The following FOXP2 variants were observed in gnomAD, a reference collection of about 807,000 sequenced individuals.
FOXP2 encodes forkhead box protein P2.
FOXP2 carries 12 observed loss-of-function variants against 115.8 expected under a neutral mutation model. That is an observed-to-expected ratio of 0.10 (90% CI 0.07 to 0.17). The LOEUF (loss-of-function observed/expected upper bound fraction) is 0.17. Among genes scored for constraint, FOXP2 ranks in the 10% least tolerant of loss-of-function variants. The pLI, the probability that FOXP2 is intolerant of heterozygous loss-of-function variation, is 1.00. For missense variants in FOXP2, 629 were observed against 843.5 expected, an observed-to-expected ratio of 0.75 and a Z score of 3.15; for synonymous variants, 328 against 297.7, an observed-to-expected ratio of 1.10 and a Z score of -1.05.
Position 114,631,545 on chromosome 7 carries a change from G to GCAGCAA in FOXP2, c.622_627dup (p.Gln208_Gln209dup), listed in dbSNP as rs1268124553. 9 of 1,579,958 alleles carry GCAGCAA rather than the reference G, an allele frequency of 5.7e-6. No individual in the cohort carries two copies. In the South Asian group the frequency reaches 1.0e-4, roughly 18 times the overall value. The stretch of plus-strand genomic sequence containing the variant: ...GATACCAGCAGCAGCAGCAGCAGCA[G>GCAGCAA]CAGCAACAGCAATTGGCAGCCCAGC... On this transcript the variant is annotated inframe_insertion, in exon 6 of 17. Coordinates refer to ENST00000350908, the MANE Select transcript of FOXP2 (RefSeq NM_014491.4).
intron 3 of FOXP2, among the ~76,000 whole-genome samples, chr7:114,575,968 G>A (rs2129298567): frequency 6.6e-6 from 1 of 151,950 alleles, no homozygotes; most frequent in South Asian, 2.1e-4. Flanking sequence ...AAAAAGATGT[G>A]TGGTGTACAC....
At chr7:114,279,559 G>A (rs904926461) in intron 1 of FOXP2, among the ~76,000 whole-genome samples, 1 of 152,142 alleles carries the variant, frequency 6.6e-6, no homozygotes, top group Non-Finnish European at 1.5e-5. Context: ...ATCTCTAGCA[G>A]CAGGAAAGTG....
intron 3 of FOXP2, among the ~76,000 whole-genome samples, chr7:114,602,318 T>A (rs1044371178): frequency 6.6e-6 from 1 of 152,048 alleles, no homozygotes; most frequent in Non-Finnish European, 1.5e-5. Context: ...GCTTACTGCT[T>A]CCAAGTTATA....
At chr7:114,107,843 GT>G (rs1791159599) in intron 1 of FOXP2, among the ~76,000 whole-genome samples, 1 of 151,828 alleles carries the variant, frequency 6.6e-6, no homozygotes, top group Admixed American at 6.6e-5. Flanking sequence ...TCACGGTCTG[GT>G]CCTGCCCTAG....
chr7:114,132,582 T>TGTGTGTGTGTGTGA (rs1554419465), intron 1 of FOXP2, among the ~76,000 whole-genome samples: 2 of 55,996 alleles, frequency 3.6e-5, no homozygotes, highest in African/African-American at 1.6e-4. Context: ...TGTGTGTGTG[T>TGTGTGTGTGTGTGA]GAGAGAGAGA....
intron 3 of FOXP2, among the ~76,000 whole-genome samples, chr7:114,551,385 G>T (rs912959087): frequency 6.6e-6 from 1 of 151,994 alleles, no homozygotes; most frequent in Non-Finnish European, 1.5e-5. Context: ...AACAAAACTC[G>T]TGGTTTGAGG....
At chr7:114,149,645 A>G (rs1278976732) in intron 1 of FOXP2, among the ~76,000 whole-genome samples, 1 of 152,086 alleles carries the variant, frequency 6.6e-6, no homozygotes, top group Non-Finnish European at 1.5e-5. Flanking sequence ...AAGTAATAAA[A>G]TAGTTTCTTT....
At chr7:114,232,807 C>T (rs1390712012) in intron 1 of FOXP2, among the ~76,000 whole-genome samples, 1 of 143,178 alleles carries the variant, frequency 7.0e-6, no homozygotes, top group Non-Finnish European at 1.5e-5. Context: ...GAGCGAAACT[C>T]CGTCTCAAAA....
chr7:114,671,484 T>C (rs1171954174), intron 16 of FOXP2, among the ~76,000 whole-genome samples: 1 of 152,192 alleles, frequency 6.6e-6, no homozygotes, highest in Non-Finnish European at 1.5e-5. Context: ...AGAAAACTTT[T>C]AGCTGACAGT....
intron 5 of FOXP2, chr7:114,630,547 A>G (rs1046410499): frequency 1.8e-5 from 3 of 166,762 alleles, no homozygotes; most frequent in African/African-American, 7.2e-5. Context: ...TGCACTTGTC[A>G]GCAAACTGCA....
At chr7:114,595,682 G>T (rs185382398) in intron 3 of FOXP2, among the ~76,000 whole-genome samples, 2 of 151,976 alleles carry the variant, frequency 1.3e-5, no homozygotes, top group Non-Finnish European at 2.9e-5. Flanking sequence ...TGTAGGAAAA[G>T]AATCCACAGT....
At chr7:114,333,454 G>A (rs1200300697) in intron 2 of FOXP2, among the ~76,000 whole-genome samples, 1 of 152,124 alleles carries the variant, frequency 6.6e-6, no homozygotes, top group East Asian at 1.9e-4. Flanking sequence ...CAAAAAATAA[G>A]CAGCCACATT....
At chr7:114,644,258 T>A (rs1387802936) in intron 7 of FOXP2, among the ~76,000 whole-genome samples, 1 of 152,128 alleles carries the variant, frequency 6.6e-6, no homozygotes, top group Non-Finnish European at 1.5e-5. Context: ...TTAAACAAAT[T>A]AAATGATCCT....
At chr7:114,526,065 T>A (rs1221861138) in intron 2 of FOXP2, among the ~76,000 whole-genome samples, 2 of 146,502 alleles carry the variant, frequency 1.4e-5, no homozygotes, top group Non-Finnish European at 3.0e-5. Flanking sequence ...TGAGCCAAGA[T>A]CACACCATTG....
intron 2 of FOXP2, among the ~76,000 whole-genome samples, chr7:114,388,930 T>C (rs934648304): frequency 6.6e-6 from 1 of 152,202 alleles, no homozygotes; most frequent in African/African-American, 2.4e-5. Flanking sequence ...ATCAGTAAAA[T>C]AGAAGTCTTA....
In FOXP2 at chr7:114,102,696, C is replaced by CCACACACACACACACA. The variant is rs10624558; in HGVS notation, c.-247+14880_-247+14895dup. Among the ~76,000 whole-genome samples, 923 of 136,426 alleles carry CCACACACACACACACA rather than the reference C, an allele frequency of 6.8e-3. 8 individuals are homozygous for CCACACACACACACACA. Among genetic ancestry groups the CCACACACACACACACA allele is most frequent in the African/African-American group, 0.016 (604 of 37,336 alleles). The allele number at this position is 136,426 out of a possible 152,430, so 89.5% of individuals were successfully genotyped here. A position where few individuals can be genotyped will look rare whatever the true frequency, so the allele number is the denominator to read the frequency against. ...GCTACACACATACAAACACCACACA[C>CCACACACACACACACA]CACACACACACACACACACACACAC... On this transcript the variant is annotated intron_variant, in intron 1 of 19. Coordinates refer to the FOXP2 transcript ENST00000635638.
At chr7:114,672,002 CT>C (rs897316249) in intron 16 of FOXP2, among the ~76,000 whole-genome samples, 5 of 152,114 alleles carry the variant, frequency 3.3e-5, no homozygotes, top group East Asian at 1.9e-4. Context: ...TAGCCAGTTT[CT>C]ATCATTAGAA....
intron 3 of FOXP2, among the ~76,000 whole-genome samples, chr7:114,615,925 T>G (rs1263739533): frequency 6.6e-6 from 1 of 152,236 alleles, no homozygotes; most frequent in African/African-American, 2.4e-5. Context: ...GAGGAGAACT[T>G]CCCTGACTTT....
intron 1 of FOXP2, among the ~76,000 whole-genome samples, chr7:114,208,526 C>T (rs940660756): frequency 6.6e-6 from 1 of 151,982 alleles, no homozygotes; most frequent in Non-Finnish European, 1.5e-5. Flanking sequence ...GGTGGGAAGG[C>T]ATACTTGGTT....
Sources: allele counts gnomAD v4.1 joint callset (sites outside exome capture counted in the v4.1 genomes callset), GRCh38; gene constraint gnomAD v4.1.1; transcripts MANE v1.5; gene names NCBI Gene and HGNC (gene_info 2026-07-23, HGNC 2026-07-21).